Variants in RPL36A observed in about 807,000 individuals in gnomAD.
The protein encoded by RPL36A is ribosomal protein L36a.
For synonymous variants in RPL36A, 25 were observed against 28.5 expected, an observed-to-expected ratio of 0.88 and a Z score of 0.39; for missense variants, 20 against 81.0, an observed-to-expected ratio of 0.25 and a Z score of 2.89.
rs782671537 is a variant in RPL36A at position 101,391,515 on chromosome X, C to A, written c.60C>A (p.Pro20=). ...TFCKKCGKHQ[P]HKVTQYKKGK... ...GTAAGAAGTGTGGCAAGCACCAACCCCATAAAGTGACACAGTACAAGAAGG... is the reference window on the plus strand; with the variant it reads ...GTAAGAAGTGTGGCAAGCACCAACCACATAAAGTGACACAGTACAAGAAGG... The change falls in exon 2 of 5, where the codon CCC becomes CCA. Residue 20 remains proline (P), a synonymous_variant. Transcript: ENST00000553110. The A allele has an allele frequency of 8.3e-7, 1 of 1,210,068 alleles. No homozygotes were observed. The highest frequency in any genetic ancestry group is 1.7e-5 in the African/African-American group (1 of 57,220).
At position 101,391,030 on chromosome X, in the gene RPL36A, G is replaced by A. The variant is rs1478592383; in HGVS notation, c.-14G>A. 4 of 1,212,254 alleles carry A rather than the reference G, an allele frequency of 3.3e-6. No individual in the cohort carries two copies. The South Asian group carries it at 5.3e-5, about 16-fold the overall frequency. On this transcript the variant is annotated 5_prime_UTR_variant, in exon 1 of 5. Coordinates refer to ENST00000553110, the MANE Select transcript of RPL36A (RefSeq NM_021029.6). ...CGGTTTCTTTCTTTCCGCGCCGATAGCGCTCACGCAAGCATGGTAGGACTT... is the reference window on the plus strand; with the variant it reads ...CGGTTTCTTTCTTTCCGCGCCGATAACGCTCACGCAAGCATGGTAGGACTT...
In RPL36A at chrX:101,391,102, G is replaced by A. The variant is rs1482284878; in HGVS notation, c.3+56G>A. ...TCCAGCTTAATCTTTCCCCCCCTTC[G>A]TCGCCCGTGCTATGCCGGGATGGGT... On this transcript the variant is annotated intron_variant, in intron 1 of 4. Transcript: ENST00000553110. 3.5e-6 allele frequency: 4 copies of A among 1,159,330 alleles called. No homozygotes were observed. The African/African-American group carries it at 5.3e-5, about 15-fold the overall frequency.
intron 4 of RPL36A, 67 bp from the exon 5 acceptor site, chrX:101,395,661 A>G: frequency 8.7e-7 from 1 of 1,154,469 alleles, no homozygotes. Flanking sequence ...TTAGGAACAG[A>G]TAATGTTCTT....
At chrX:101,391,138 G>C in intron 1 of RPL36A, 92 bp downstream of exon 1, 2 of 991,788 alleles carry the variant, frequency 2.0e-6, no homozygotes, top group South Asian at 2.0e-5. Context: ...CCAGGCTCCT[G>C]TGTGGACTCG....
chrX:101,395,664 A>G, intron 4 of RPL36A, 64 bp from the exon 5 acceptor site: 2 of 1,152,517 alleles, frequency 1.7e-6, no homozygotes, highest in Non-Finnish European at 2.4e-6. Flanking sequence ...GGAACAGATA[A>G]TGTTCTTAAT....
intron 3 of RPL36A, chrX:101,393,981 G>A (rs1336538910): frequency 8.9e-6 from 1 of 112,470 alleles, no homozygotes; most frequent in African/African-American, 3.2e-5. Flanking sequence ...TAGCATGTTT[G>A]CAATTTTTTG....
chrX:101,391,488 C>G lies in RPL36A; in HGVS notation c.33C>G (p.Phe11Leu). 1.7e-6 allele frequency: 2 copies of G among 1,211,849 alleles called. No homozygotes were observed. The highest frequency in any genetic ancestry group is 1.1e-6 in the Non-Finnish European group (1 of 895,484). Residue 11 changes from phenylalanine to leucine, a missense_variant, in exon 2 of 5, where the codon TTC becomes TTG. By Grantham distance (22) the Phe-to-Leu change is conservative. Coordinates refer to ENST00000553110, the MANE Select transcript of RPL36A (RefSeq NM_021029.6). MVNVPKTRRT[F>L]CKKCGKHQPH... ...ACGTCCCTAAAACCCGCCGGACTTTCTGTAAGAAGTGTGGCAAGCACCAAC... is the reference window on the plus strand; with the variant it reads ...ACGTCCCTAAAACCCGCCGGACTTTGTGTAAGAAGTGTGGCAAGCACCAAC...
rs957057413 is a variant in RPL36A, at chrX:101,391,023, G to A, written c.-21G>A. ...TGCCTCGCGGTTTCTTTCTTTCCGC[G>A]CCGATAGCGCTCACGCAAGCATGGT... is the stretch of plus-strand genomic sequence containing the variant. On this transcript the variant is annotated 5_prime_UTR_variant, in exon 1 of 5. Coordinates refer to ENST00000553110, the MANE Select transcript of RPL36A (RefSeq NM_021029.6). 3 of 1,212,072 alleles carry A rather than the reference G, an allele frequency of 2.5e-6. No individual in the cohort carries two copies. The highest frequency in any genetic ancestry group is 2.2e-5 in the Admixed American group (1 of 46,059).
chrX:101,391,338 A>G (rs1927792572), intron 1 of RPL36A, 121 bp from the exon 2 acceptor site: 1 of 871,188 alleles, frequency 1.1e-6, no homozygotes. Flanking sequence ...CCCACCCTGT[A>G]GTCAGAGGTA....
intron 2 of RPL36A, 85 bp downstream of exon 2, chrX:101,391,649 G>T: frequency 1.7e-6 from 2 of 1,195,071 alleles, no homozygotes; most frequent in Non-Finnish European, 2.3e-6. Context: ...CTCCCTCCAC[G>T]CCTGGCTTGA....
At chrX:101,391,094 C>G in intron 1 of RPL36A, 48 bp downstream of exon 1, 1 of 1,173,793 alleles carries the variant, frequency 8.5e-7, no homozygotes, top group Non-Finnish European at 1.2e-6. Flanking sequence ...TAATCTTTCC[C>G]CCCCTTCGTC....
At chrX:101,391,382 G>T in intron 1 of RPL36A, 77 bp from the exon 2 acceptor site, 2 of 1,146,223 alleles carry the variant, frequency 1.7e-6, no homozygotes, top group Non-Finnish European at 2.4e-6. Flanking sequence ...GAGTGCCTCA[G>T]CTTTAGCTGG....
intron 3 of RPL36A, chrX:101,392,772 A>G: frequency 3.8e-6 from 1 of 260,165 alleles, no homozygotes; most frequent in Non-Finnish European, 5.3e-6. Context: ...ACTGTTTATA[A>G]TAGCTAAGAT....
At chrX:101,391,350 C>T in intron 1 of RPL36A, 109 bp from the exon 2 acceptor site, 4 of 948,373 alleles carry the variant, frequency 4.2e-6, no homozygotes, top group Non-Finnish European at 6.0e-6. Context: ...TCAGAGGTAG[C>T]AAGTAATGAG....
At chrX:101,391,938 T>C (rs961443082) in intron 3 of RPL36A, 116 bp downstream of exon 3, 11 of 1,184,614 alleles carry the variant, frequency 9.3e-6, no homozygotes, top group Non-Finnish European at 1.1e-5. Flanking sequence ...AAGTTTTCAC[T>C]GCACTGATAT....
chrX:101,391,956 A>G (rs972569491), intron 3 of RPL36A, 134 bp downstream of exon 3: 7 of 1,183,308 alleles, frequency 5.9e-6, no homozygotes, highest in Non-Finnish European at 6.8e-6. Flanking sequence ...TATATCTAGT[A>G]GGTGATGGAG....
At chrX:101,394,278 C>T (rs966496500) in intron 3 of RPL36A, among the ~76,000 whole-genome samples, 9 of 103,851 alleles carry the variant, frequency 8.7e-5, no homozygotes, top group African/African-American at 2.2e-4. Flanking sequence ...GCTGAGATCA[C>T]GTCATTGCAC....
Position 101,391,542 on chromosome X carries a change from C to A in RPL36A, c.87C>A (p.Gly29=). ...ATAAAGTGACACAGTACAAGAAGGGCAAGGATTCTCTGTACGCCCAGGGTA... is the reference window on the plus strand; with the variant it reads ...ATAAAGTGACACAGTACAAGAAGGGAAAGGATTCTCTGTACGCCCAGGGTA... The part of the protein sequence containing the change: ...QPHKVTQYKK[G]KDSLYAQGKR... Residue 29 remains glycine, a synonymous_variant, in exon 2 of 5, where the codon GGC becomes GGA. Transcript: ENST00000553110. 8.3e-7 allele frequency: 1 copy of A among 1,211,562 alleles called. No homozygotes were observed. Among genetic ancestry groups the A allele is most frequent in the Non-Finnish European group, 1.1e-6 (1 of 895,326 alleles).
intron 3 of RPL36A, 192 bp downstream of exon 3, chrX:101,392,014 C>A: frequency 3.4e-6 from 4 of 1,164,002 alleles, no homozygotes; most frequent in Non-Finnish European, 4.6e-6. Flanking sequence ...TGCACTATTT[C>A]AGTGTTTACG....
Sources: allele counts gnomAD v4.1 joint callset (sites outside exome capture counted in the v4.1 genomes callset), GRCh38; gene constraint gnomAD v4.1.1; transcripts MANE v1.5; gene names NCBI Gene and HGNC (gene_info 2026-07-23, HGNC 2026-07-21).